The following CELF2 variants were observed in gnomAD, a reference collection of about 807,000 sequenced individuals.
CELF2 encodes the protein CUGBP Elav-like family member 2, also known as CUG triplet repeat RNA-binding protein 2.
In CELF2, 8 loss-of-function variants were observed where a neutral mutation model predicts 62.6. The observed-to-expected ratio is 0.13, with a 90% CI of 0.07 to 0.23. The LOEUF (loss-of-function observed/expected upper bound fraction) is 0.23, where lower values mean the gene tolerates loss of function less well. CELF2 is among the 10% of genes least tolerant of loss of function. CELF2 has a pLI of 1.00. For missense variants in CELF2, 333 were observed against 671.0 expected (o/e 0.50, Z 5.56); for synonymous variants, 258 against 250.0 (o/e 1.03, Z -0.30).
At position 11,110,510 on chromosome 10, in the gene CELF2, T is replaced by C. The variant is rs573584067; in HGVS notation, c.75-54976T>C. 1.1e-4 allele frequency among the ~76,000 whole-genome samples: 17 copies of C among 152,150 alleles called. No homozygotes were observed. Among genetic ancestry groups the C allele is most frequent in the Non-Finnish European group, 2.2e-4 (15 of 68,018 alleles). On this transcript the variant is annotated intron_variant, in intron 1 of 12. Transcript: ENST00000633077. This position sits in a 1 kb window ranked among gnomAD's most constrained non-coding sequence, Gnocchi z 4.0. The stretch of plus-strand genomic sequence containing the variant: ...TCTGCTTCGTCTAAACACTGCTAGA[T>C]TGATGAAATACACTAATGCATGGAG...
the CELF2 span, among the ~76,000 whole-genome samples, chr10:10,503,404 G>A: frequency 6.6e-6 from 1 of 151,860 alleles, no homozygotes; most frequent in Non-Finnish European, 1.5e-5. Flanking sequence ...TTGCAACCCT[G>A]TGCTTGATGT....
the CELF2 span, among the ~76,000 whole-genome samples, chr10:10,758,724 A>G: frequency 0.41 from 62,001 of 151,864 alleles, 13,395 homozygotes; most frequent in African/African-American, 0.54. Flanking sequence ...ACATGGCTAT[A>G]AACAAAAAAT....
chr10:10,595,481 T>G, the CELF2 span, among the ~76,000 whole-genome samples: 77 of 152,102 alleles, frequency 5.1e-4, no homozygotes, highest in African/African-American at 1.8e-3. Context: ...AGGTAGGGCT[T>G]AAACAGTGGA....
the CELF2 span, among the ~76,000 whole-genome samples, chr10:10,698,593 A>G: frequency 1.9e-3 from 294 of 152,324 alleles, 1 homozygote; most frequent in African/African-American, 6.9e-3. Flanking sequence ...GGTCTGGGTG[A>G]GGTGTGTATT....
In CELF2 at chr10:11,141,487, C is replaced by G. The variant is rs182856180; in HGVS notation, c.75-23999C>G. Among the ~76,000 whole-genome samples the G allele has an allele frequency of 2.6e-5, 4 of 152,324 alleles. No homozygotes were observed. The East Asian group carries it at 7.7e-4, about 29-fold the overall frequency. The stretch of plus-strand genomic sequence containing the variant: ...AAGGCTTGAAGAGTACCTACAGGAA[C>G]TGTAAAAGATTTTAAGGACCTGGTG... On this transcript the variant is annotated intron_variant, in intron 1 of 12. Transcript: ENST00000633077.
rs1399989018 is a variant in CELF2, at chr10:11,309,379, C to T, written c.977-4760C>T. 6.6e-6 allele frequency among the ~76,000 whole-genome samples: 1 copy of T among 152,246 alleles called. No homozygotes were observed. The highest frequency in any genetic ancestry group is 1.5e-5 in the Non-Finnish European group (1 of 68,046). On this transcript the variant is annotated intron_variant, in intron 9 of 12. Coordinates refer to ENST00000633077, the MANE Select transcript of CELF2 (RefSeq NM_001326342.2). This position sits in a 1 kb window ranked among gnomAD's most constrained non-coding sequence, Gnocchi z 5.6. ...TTCCCCTGCACTGTGCCTCTGCTGT[C>T]ACTCCTCAGAGGCCACAGCCTTGAG...
chr10:10,805,260 A>C (rs148785101), intron 1 of CELF2, among the ~76,000 whole-genome samples: 1 of 152,244 alleles, frequency 6.6e-6, no homozygotes, highest in East Asian at 1.9e-4. Context: ...GGTATTGCTA[A>C]CCCTGAGCTA....
At chr10:10,952,880 C>T (rs1023625274) in intron 2 of CELF2, among the ~76,000 whole-genome samples, 5 of 152,158 alleles carry the variant, frequency 3.3e-5, no homozygotes, top group Admixed American at 2.0e-4. Flanking sequence ...ATTAATTTTC[C>T]TCATTCCTCC....
At chr10:11,196,171 T>C (rs539499736) in intron 2 of CELF2, among the ~76,000 whole-genome samples, 7 of 152,220 alleles carry the variant, frequency 4.6e-5, no homozygotes, top group African/African-American at 1.7e-4. Flanking sequence ...TTTGGAGTCA[T>C]TTAGACCAGT....
intron 2 of CELF2, among the ~76,000 whole-genome samples, chr10:10,920,832 A>T (rs2064828653): frequency 6.6e-6 from 1 of 150,552 alleles, no homozygotes; most frequent in Admixed American, 6.6e-5. Flanking sequence ...CTGGGGAGGG[A>T]GGAAGAAACT....
intron 1 of CELF2, among the ~76,000 whole-genome samples, chr10:11,042,350 C>A (rs1362247016): frequency 1.3e-5 from 2 of 152,128 alleles, no homozygotes; most frequent in African/African-American, 4.8e-5. Flanking sequence ...AATGAGAGTA[C>A]AATTGGTGGA....
intron 1 of CELF2, among the ~76,000 whole-genome samples, chr10:10,883,736 G>A: frequency 6.6e-6 from 1 of 152,022 alleles, no homozygotes; most frequent in Non-Finnish European, 1.5e-5. Context: ...GAGAAAGATG[G>A]GTACAGCCAA....
intron 1 of CELF2, among the ~76,000 whole-genome samples, chr10:11,027,300 C>T (rs529248272): frequency 6.6e-6 from 1 of 152,264 alleles, no homozygotes; most frequent in East Asian, 1.9e-4. Context: ...TGCTCGTTCC[C>T]CCTTTTCTTT....
the CELF2 span, among the ~76,000 whole-genome samples, chr10:10,534,232 AAAAG>A: frequency 6.6e-6 from 1 of 150,682 alleles, no homozygotes; most frequent in Non-Finnish European, 1.5e-5. Flanking sequence ...AAAAAAAAGA[AAAAG>A]AAAAAGAGAG....
chr10:10,791,523 A>G, the CELF2 span, among the ~76,000 whole-genome samples: 1 of 151,948 alleles, frequency 6.6e-6, no homozygotes, highest in African/African-American at 2.4e-5. Flanking sequence ...TACTGAGATC[A>G]TTGAGGTAAA....
chr10:10,581,858 T>C, the CELF2 span, among the ~76,000 whole-genome samples: 1 of 152,108 alleles, frequency 6.6e-6, no homozygotes, highest in Non-Finnish European at 1.5e-5. Context: ...TGAAACCCGA[T>C]GTCTACTAAA....
At chr10:11,265,761 A>G (rs2082037228) in intron 5 of CELF2, among the ~76,000 whole-genome samples, 2 of 152,258 alleles carry the variant, frequency 1.3e-5, no homozygotes, top group African/African-American at 4.8e-5. Context: ...AAGAAAAAAC[A>G]GGCACGGAAA....
At chr10:10,864,240 ATT>A (rs200355480) in intron 1 of CELF2, among the ~76,000 whole-genome samples, 2 of 148,332 alleles carry the variant, frequency 1.3e-5, no homozygotes, top group African/African-American at 2.5e-5. Context: ...ACATCAGGGC[ATT>A]TTTTTTTTTC....
At chr10:10,642,186 T>A in the CELF2 span, among the ~76,000 whole-genome samples, 1 of 152,212 alleles carries the variant, frequency 6.6e-6, no homozygotes, top group South Asian at 2.1e-4. Context: ...TTTATAATAG[T>A]CCCAAGATTA....
Sources: allele counts gnomAD v4.1 joint callset (sites outside exome capture counted in the v4.1 genomes callset), GRCh38; gene constraint gnomAD v4.1.1; non-coding constraint Gnocchi (gnomAD v3.1); transcripts MANE v1.5; gene names NCBI Gene and HGNC (gene_info 2026-07-23, HGNC 2026-07-21).